The following GRIK4 variants were observed in gnomAD, a reference collection of about 807,000 sequenced individuals.
GRIK4 encodes the protein glutamate receptor ionotropic, kainate 4.
A neutral mutation model predicts 104.9 loss-of-function variants in GRIK4; 40 were observed. The observed-to-expected ratio is 0.38, with a 90% CI of 0.30 to 0.50. GRIK4 has a LOEUF of 0.50. Ranked by LOEUF, GRIK4 falls within the 20% of genes least tolerant of loss-of-function variation. GRIK4 has a pLI of 0.93. For synonymous variants in GRIK4, 485 were observed against 524.9 expected, an observed-to-expected ratio of 0.92 and a Z score of 1.04; for missense variants, 1,047 against 1,308.1, an observed-to-expected ratio of 0.80 and a Z score of 3.08.
chr11:120,740,221 G>A (rs1334273270), intron 3 of GRIK4, among the ~76,000 whole-genome samples: 2 of 152,140 alleles, frequency 1.3e-5, no homozygotes, highest in Non-Finnish European at 2.9e-5. Context: ...CTCTACAATC[G>A]ACAACTGTTA....
At chr11:120,545,057 TCACAG>T in intron 1 of GRIK4, among the ~76,000 whole-genome samples, 1 of 152,078 alleles carries the variant, frequency 6.6e-6, no homozygotes, top group African/African-American at 2.4e-5. Context: ...ACTGAAGGCC[TCACAG>T]CTGGCCAGAG....
At chr11:120,918,667 A>G (rs1039498126) in intron 13 of GRIK4, among the ~76,000 whole-genome samples, 1 of 152,172 alleles carries the variant, frequency 6.6e-6, no homozygotes, top group African/African-American at 2.4e-5. Context: ...CAATCTTTAT[A>G]ATTCATACAA....
chr11:120,746,847 T>A (rs1013983997), intron 3 of GRIK4, among the ~76,000 whole-genome samples: 1 of 152,172 alleles, frequency 6.6e-6, no homozygotes, highest in South Asian at 2.1e-4. Flanking sequence ...CTTGAATGAA[T>A]GCAGTCACTA....
chr11:120,960,875 G>A, intron 16 of GRIK4, 34 bp from the exon 17 acceptor site: 1 of 1,589,084 alleles, frequency 6.3e-7, no homozygotes, highest in Non-Finnish European at 8.6e-7. Flanking sequence ...GGAGTGCCCG[G>A]GCAATGATGA....
intron 3 of GRIK4, among the ~76,000 whole-genome samples, chr11:120,660,753 T>A (rs1394922990): frequency 6.6e-6 from 1 of 152,004 alleles, no homozygotes; most frequent in African/African-American, 2.4e-5. Flanking sequence ...GGAGAAGAGG[T>A]CCCTTCTTTC....
chr11:120,933,391 T>A lies in GRIK4; in HGVS notation c.1477-6956T>A, dbSNP rs564690379. On this transcript the variant is annotated intron_variant, in intron 13 of 20. Transcript: ENST00000527524. The stretch of plus-strand genomic sequence containing the variant: ...CCAACAGCAAAGACTTACTGGCTAC[T>A]TACTTCAAACCAGGCCCCATGCTCA... Among the ~76,000 whole-genome samples, 36 of 152,336 alleles carry A rather than the reference T, an allele frequency of 2.4e-4. No homozygotes were observed. In the East Asian group the frequency reaches 6.7e-3, roughly 29 times the overall value.
chr11:120,628,279 T>G (rs1949286143), intron 1 of GRIK4, among the ~76,000 whole-genome samples: 1 of 152,212 alleles, frequency 6.6e-6, no homozygotes, highest in Non-Finnish European at 1.5e-5. Context: ...TGGAGTGCTA[T>G]TTTCTTCTAT....
chr11:120,905,915 G>A lies in GRIK4; in HGVS notation c.1476+422G>A, dbSNP rs780904210. 1.3e-5 allele frequency among the ~76,000 whole-genome samples: 2 copies of A among 152,238 alleles called. No individual in the cohort carries two copies. Among genetic ancestry groups the A allele is most frequent in the African/African-American group, 2.4e-5 (1 of 41,462 alleles). On this transcript the variant is annotated intron_variant, in intron 13 of 20. Transcript: ENST00000527524. The surrounding 1 kb of genome is among the most constrained non-coding windows in gnomAD (Gnocchi z 5.1). ...CTTGAGAGACACTGCCAAGGGAGAC[G>A]TGGCTAAATAACAGGGCAAAGGGAT...
intron 20 of GRIK4, among the ~76,000 whole-genome samples, chr11:120,984,881 G>A (rs1042309139): frequency 7.0e-6 from 1 of 143,520 alleles, no homozygotes; most frequent in Non-Finnish European, 1.5e-5. Flanking sequence ...GGAATGGAGT[G>A]CAGTGGCAGG....
intron 3 of GRIK4, among the ~76,000 whole-genome samples, chr11:120,702,818 TTCTA>T (rs2135336861): frequency 6.6e-6 from 1 of 152,350 alleles, no homozygotes; most frequent in South Asian, 2.1e-4. Flanking sequence ...CTGAGGACGT[TTCTA>T]TCTGAGTAGA....
intron 3 of GRIK4, among the ~76,000 whole-genome samples, chr11:120,767,627 C>T (rs1951862968): frequency 6.6e-6 from 1 of 152,034 alleles, no homozygotes; most frequent in Non-Finnish European, 1.5e-5. Context: ...TTGTTAAGGC[C>T]AGTGTCAAGG....
intron 3 of GRIK4, among the ~76,000 whole-genome samples, chr11:120,766,072 G>A (rs1395084638): frequency 1.3e-5 from 2 of 152,202 alleles, no homozygotes; most frequent in African/African-American, 4.8e-5. Flanking sequence ...TCCCCCAGGT[G>A]CTCTGTCCCA....
intron 8 of GRIK4, among the ~76,000 whole-genome samples, chr11:120,851,458 A>G (rs1431006779): frequency 6.6e-6 from 1 of 152,090 alleles, no homozygotes; most frequent in Non-Finnish European, 1.5e-5. Context: ...AGAAAAGACC[A>G]CCTTATACGT....
In GRIK4 at chr11:120,905,237, G is replaced by A. The variant is rs1368533573; in HGVS notation, c.1273-53G>A. On this transcript the variant is annotated intron_variant, in intron 12 of 20. Transcript: ENST00000527524. This position sits in a 1 kb window ranked among gnomAD's most constrained non-coding sequence, Gnocchi z 5.1. ...GCCCCTGGCCCTCCCCATCACACGC[G>A]GGTGAGACACCAGGGCTAAGATGAG... is the stretch of plus-strand genomic sequence containing the variant. 2.2e-5 allele frequency: 30 copies of A among 1,334,240 alleles called. No homozygotes were observed. Among genetic ancestry groups the A allele is most frequent in the Non-Finnish European group, 2.6e-5 (24 of 927,102 alleles). The allele number at this position is 1,334,240 out of a possible 1,614,324, so 82.7% of individuals were successfully genotyped here.
At chr11:120,736,770 C>G (rs1951229493) in intron 3 of GRIK4, among the ~76,000 whole-genome samples, 1 of 150,792 alleles carries the variant, frequency 6.6e-6, no homozygotes, top group Admixed American at 6.6e-5. Flanking sequence ...TTCTCTCTCT[C>G]TCTCTCTCTC....
intron 3 of GRIK4, among the ~76,000 whole-genome samples, chr11:120,785,463 A>G (rs1177598878): frequency 6.6e-6 from 1 of 152,236 alleles, no homozygotes; most frequent in Non-Finnish European, 1.5e-5. Flanking sequence ...GGCCGTATAC[A>G]TAGGGCACTA....
intron 3 of GRIK4, among the ~76,000 whole-genome samples, chr11:120,767,616 A>G (rs1156524593): frequency 1.3e-5 from 2 of 152,106 alleles, no homozygotes; most frequent in South Asian, 4.1e-4. Flanking sequence ...CAAAAAAATC[A>G]TTGTTAAGGC....
rs539294095 is a variant in GRIK4 at position 120,689,986 on chromosome 11, A to G, written c.82+29586A>G. Among the ~76,000 whole-genome samples, 57 of 152,316 alleles carry G rather than the reference A, an allele frequency of 3.7e-4. 1 individual carries two copies. Among genetic ancestry groups the G allele is most frequent in the Non-Finnish European group, 2.9e-5 (2 of 68,032 alleles). On this transcript the variant is annotated intron_variant, in intron 3 of 20. Transcript: ENST00000527524. The stretch of plus-strand genomic sequence containing the variant: ...ATGGGCTTTCCATGTGTTTTGCTCC[A>G]GGTGTCTCTTATTGTAATTAAAGTT...
chr11:120,527,822 A>G (rs560843083), intron 1 of GRIK4, among the ~76,000 whole-genome samples: 1 of 152,326 alleles, frequency 6.6e-6, no homozygotes, highest in East Asian at 1.9e-4. Flanking sequence ...GGTCCCACTC[A>G]CGGGTGGAGG....
Sources: gnomAD v4.1 joint callset for allele counts (sites outside exome capture counted in the v4.1 genomes callset) on GRCh38, gnomAD v4.1.1 for gene constraint, Gnocchi (gnomAD v3.1) non-coding constraint, MANE v1.5 for transcripts, NCBI Gene and HGNC (gene_info 2026-07-23, HGNC 2026-07-21) for gene names.